TECPR2: variants seen among roughly 807,000 people sequenced by gnomAD.
TECPR2 encodes tectonin beta-propeller repeat containing 2, also known as tectonin beta-propeller repeat-containing protein 2.
In TECPR2, 65 loss-of-function variants were observed where a neutral mutation model predicts 138.1. The observed-to-expected ratio is 0.47, with a 90% CI of 0.39 to 0.58. TECPR2 has a LOEUF of 0.58. Among genes scored for constraint, TECPR2 ranks in the 20% least tolerant of loss-of-function variants. The pLI, the probability that TECPR2 is intolerant of heterozygous loss-of-function variation, is 0.00. For synonymous variants in TECPR2, 746 were observed against 749.8 expected (o/e 0.99, Z 0.08); for missense variants, 1,553 against 1,824.5 (o/e 0.85, Z 2.71).
chr14:102,499,432 G>A lies in TECPR2; in HGVS notation c.*1175G>A, dbSNP rs1891385835. 1.7e-6 allele frequency: 1 copy of A among 573,432 alleles called. No homozygotes were observed. Among genetic ancestry groups the A allele is most frequent in the Non-Finnish European group, 3.1e-6 (1 of 320,516 alleles). 35.5% of individuals were successfully genotyped at this position (573,432 alleles called of 1,614,324 possible). ...AGTGGAAGCCCTTTGTTCCTTCCCG[G>A]GTTTGTCCTGAGCCTGCACTGTCCT... On this transcript the variant is annotated 3_prime_UTR_variant, in exon 20 of 20. Transcript: ENST00000359520.
chr14:102,399,639 G>C (rs1888415929), intron 2 of TECPR2, among the ~76,000 whole-genome samples: 1 of 152,096 alleles, frequency 6.6e-6, no homozygotes, highest in Non-Finnish European at 1.5e-5. Flanking sequence ...GACCATCTTG[G>C]CCAACATGGT....
In TECPR2 at chr14:102,419,649, G is replaced by A. The variant is rs1889126248; in HGVS notation, c.638+4856G>A. Among the ~76,000 whole-genome samples, 1 of 152,168 alleles carries A rather than the reference G, an allele frequency of 6.6e-6. No individual in the cohort carries two copies. The highest frequency in any genetic ancestry group is 2.4e-5 in the African/African-American group (1 of 41,448). ...GTCAGGAGGCCCAGAGGTAGAAGACGAGGGGTCCTCTTCCCGTCGAGTCCG... is the reference window on the plus strand; with the variant it reads ...GTCAGGAGGCCCAGAGGTAGAAGACAAGGGGTCCTCTTCCCGTCGAGTCCG... On this transcript the variant is annotated intron_variant, in intron 5 of 19. Transcript: ENST00000359520. The surrounding 1 kb of genome is among the most constrained non-coding windows in gnomAD (Gnocchi z 4.8).
chr14:102,464,477 C>T (rs28492691), intron 16 of TECPR2, among the ~76,000 whole-genome samples: 33,340 of 151,966 alleles, frequency 0.22, 4,342 homozygotes, highest in Middle Eastern at 0.32. Flanking sequence ...ACTGCAACCT[C>T]GACTTCCTGG....
At chr14:102,476,102 G>C (rs1890751857) in intron 17 of TECPR2, among the ~76,000 whole-genome samples, 1 of 150,316 alleles carries the variant, frequency 6.7e-6, no homozygotes, top group Non-Finnish European at 1.5e-5. Flanking sequence ...AGCTACTCAG[G>C]AGGCTGAGGC....
At position 102,443,131 on chromosome 14, in the gene TECPR2, G is replaced by C. The variant is rs569954096; in HGVS notation, c.2753-516G>C. 3.4e-3 allele frequency among the ~76,000 whole-genome samples: 516 copies of C among 152,362 alleles called. 5 individuals are homozygous for C. The highest frequency in any genetic ancestry group is 0.012 in the African/African-American group (504 of 41,588). On this transcript the variant is annotated intron_variant, in intron 11 of 19. Coordinates refer to ENST00000359520, the MANE Select transcript of TECPR2 (RefSeq NM_014844.5). The surrounding 1 kb of genome is among the most constrained non-coding windows in gnomAD (Gnocchi z 4.9). ...TCAGGTCCCTGCCAACTCCAGCAGC[G>C]CTGCAGCCCTCTGCCTGGAAGAGCT...
Position 102,434,627 on chromosome 14 carries a change from G to A in TECPR2, c.1810G>A (p.Ala604Thr), listed in dbSNP as rs958569960. The change falls in exon 9 of 20, where the codon GCA (alanine) becomes ACA (threonine). Residue 604 changes from alanine to threonine, a missense_variant. Coordinates refer to ENST00000359520, the MANE Select transcript of TECPR2 (RefSeq NM_014844.5). The part of the protein sequence containing the change: ...VTGLGDEPCP[A>T]DDGPNSTQLP... ...GGGACTCGGAGATGAGCCGTGTCCT[G>A]CAGATGATGGACCAAATAGCACACA... The A allele has an allele frequency of 1.3e-5, 21 of 1,590,666 alleles. No homozygotes were observed. The highest frequency in any genetic ancestry group is 1.6e-5 in the Non-Finnish European group (19 of 1,164,790).
intron 17 of TECPR2, among the ~76,000 whole-genome samples, chr14:102,480,230 T>A (rs1420977927): frequency 8.6e-5 from 13 of 151,644 alleles, no homozygotes; most frequent in Admixed American, 4.6e-4. Context: ...TTTTTTTTTT[T>A]ATTGATTTAT....
intron 17 of TECPR2, among the ~76,000 whole-genome samples, chr14:102,486,251 G>A (rs945737361): frequency 1.4e-4 from 21 of 152,094 alleles, no homozygotes; most frequent in Admixed American, 1.4e-3. Flanking sequence ...CTGCTCTGCT[G>A]GGCCAGAAGT....
At chr14:102,424,951 GTTCT>G in intron 5 of TECPR2, 24 bp from the exon 6 acceptor site, 6 of 1,570,208 alleles carry the variant, frequency 3.8e-6, no homozygotes, top group South Asian at 2.3e-5. Context: ...TCTGTTTTTT[GTTCT>G]TTCTTTCTTT....
At chr14:102,427,752 C>T (rs1889362422) in intron 6 of TECPR2, among the ~76,000 whole-genome samples, 1 of 152,182 alleles carries the variant, frequency 6.6e-6, no homozygotes, top group Non-Finnish European at 1.5e-5. Context: ...TATTTCAGCC[C>T]AGGAGTGGGG....
intron 10 of TECPR2, among the ~76,000 whole-genome samples, chr14:102,438,829 T>A (rs563229708): frequency 3.3e-5 from 5 of 152,138 alleles, no homozygotes; most frequent in African/African-American, 1.2e-4. Flanking sequence ...CATATCTGCA[T>A]GGAATCATTT....
rs1717898595 is a variant in TECPR2, at chr14:102,415,026, G to A, written c.638+233G>A. 6.6e-6 allele frequency among the ~76,000 whole-genome samples: 1 copy of A among 152,168 alleles called. No individual in the cohort carries two copies. Among genetic ancestry groups the A allele is most frequent in the Non-Finnish European group, 1.5e-5 (1 of 68,036 alleles). The stretch of plus-strand genomic sequence containing the variant: ...AGAGCTGTAGGAGCCTGCACACACA[G>A]CCACTCTGCCTCTCAGGGTGCCACA... On this transcript the variant is annotated intron_variant, in intron 5 of 19. Coordinates refer to ENST00000359520, the MANE Select transcript of TECPR2 (RefSeq NM_014844.5). The surrounding 1 kb of genome is among the most constrained non-coding windows in gnomAD (Gnocchi z 4.3).
intron 2 of TECPR2, among the ~76,000 whole-genome samples, chr14:102,398,862 G>A (rs1236645471): frequency 6.7e-6 from 1 of 150,064 alleles, no homozygotes; most frequent in Non-Finnish European, 1.5e-5. Context: ...CTCAAAAAAG[G>A]ATTCAACCTG....
At chr14:102,492,535 C>T (rs1311628921) in intron 17 of TECPR2, among the ~76,000 whole-genome samples, 2 of 152,196 alleles carry the variant, frequency 1.3e-5, no homozygotes, top group Non-Finnish European at 2.9e-5. Flanking sequence ...TGGATAAAAG[C>T]GGGTGAGGGG....
intron 13 of TECPR2, among the ~76,000 whole-genome samples, 195 bp from the exon 14 acceptor site, chr14:102,449,434 T>A (rs1381117873): frequency 6.6e-6 from 1 of 152,266 alleles, no homozygotes; most frequent in African/African-American, 2.4e-5. Flanking sequence ...GGAGTTAGCA[T>A]TAGCAGTTTG....
In TECPR2 at chr14:102,437,796, G is replaced by A. The variant is rs556223758; in HGVS notation, c.2395-226G>A. ...AGAACAGGAGAAAATGTCATCCAGG[G>A]ACTCCAGGGAGTCTTTGTAGGGAGA... is the stretch of plus-strand genomic sequence containing the variant. On this transcript the variant is annotated intron_variant, in intron 9 of 19. Coordinates refer to ENST00000359520, the MANE Select transcript of TECPR2 (RefSeq NM_014844.5). Among the ~76,000 whole-genome samples the A allele has an allele frequency of 4.6e-5, 7 of 152,308 alleles. 1 individual carries two copies. The South Asian group carries it at 1.5e-3, about 32-fold the overall frequency.
rs1269883194 is a variant in TECPR2, at chr14:102,376,795, C to T, written c.74C>T (p.Thr25Ile). Residue 25 changes from threonine (T) to isoleucine (I), a missense_variant, in exon 2 of 20, where the codon ACA (threonine) becomes ATA (isoleucine). Coordinates refer to ENST00000359520, the MANE Select transcript of TECPR2 (RefSeq NM_014844.5). Reference protein sequence around the residue: ...PLYYLLNAIPTKIQKGFRSIV... With the variant: ...PLYYLLNAIPIKIQKGFRSIV... ...TACTATCTCCTCAATGCCATTCCGA[C>T]AAAGATCCAGAAGGGTTTCCGCTCT... The T allele has an allele frequency of 4.3e-6, 7 of 1,614,110 alleles. No homozygotes were observed. Among genetic ancestry groups the T allele is most frequent in the Non-Finnish European group, 5.1e-6 (6 of 1,180,056 alleles).
At chr14:102,432,553 G>A (rs1889532082) in intron 8 of TECPR2, among the ~76,000 whole-genome samples, 1 of 152,068 alleles carries the variant, frequency 6.6e-6, no homozygotes, top group Non-Finnish European at 1.5e-5. Context: ...GAGTATGCAT[G>A]CCCAGCGAAT....
chr14:102,421,242 G>A (rs1231777212), intron 5 of TECPR2, among the ~76,000 whole-genome samples: 5 of 152,178 alleles, frequency 3.3e-5, no homozygotes, highest in African/African-American at 1.2e-4. Context: ...GGGCTCCCTT[G>A]CTGGAATTCC....
Sources: allele counts gnomAD v4.1 joint callset (sites outside exome capture counted in the v4.1 genomes callset), GRCh38; gene constraint gnomAD v4.1.1; non-coding constraint Gnocchi (gnomAD v3.1); transcripts MANE v1.5; gene names NCBI Gene and HGNC (gene_info 2026-07-23, HGNC 2026-07-21).